CFAP61: variants seen among roughly 807,000 people sequenced by gnomAD.
The protein encoded by CFAP61 is cilia and flagella associated protein 61, also known as cilia- and flagella-associated protein 61.
A neutral mutation model predicts 135.6 loss-of-function variants in CFAP61; 107 were observed. The observed-to-expected ratio is 0.79, with a 90% CI of 0.67 to 0.93. CFAP61 has a LOEUF of 0.93. Among genes scored for constraint, CFAP61 ranks in the 40% least tolerant of loss-of-function variants. The pLI, the probability that CFAP61 is intolerant of heterozygous loss-of-function variation, is 0.00. For synonymous variants in CFAP61, 575 were observed against 578.5 expected (o/e 0.99, Z 0.09); for missense variants, 1,507 against 1,556.2 (o/e 0.97, Z 0.53).
chr20:20,270,999 C>T (rs2053304341), intron 21 of CFAP61, among the ~76,000 whole-genome samples: 1 of 152,174 alleles, frequency 6.6e-6, no homozygotes, highest in Admixed American at 6.5e-5. Context: ...AATGTGATCG[C>T]TTTATGTGCA....
At chr20:20,125,573 C>CT (rs1486037277) in intron 8 of CFAP61, among the ~76,000 whole-genome samples, 11 of 151,706 alleles carry the variant, frequency 7.3e-5, no homozygotes, top group Non-Finnish European at 1.5e-4. Context: ...CCACTGTGGT[C>CT]TGAGAGGCTG....
chr20:20,265,324 G>C (rs1270193144), intron 21 of CFAP61: 14 of 777,088 alleles, frequency 1.8e-5, no homozygotes, highest in Non-Finnish European at 3.4e-5. Context: ...GTCTTAAGGT[G>C]GAATATTGAT....
At chr20:20,342,379 T>C (rs1373976135) in intron 26 of CFAP61, among the ~76,000 whole-genome samples, 2 of 152,218 alleles carry the variant, frequency 1.3e-5, no homozygotes, top group East Asian at 1.9e-4. Flanking sequence ...TTTCTCAAAA[T>C]ACTACAGAAT....
At chr20:20,282,028 G>C (rs1373378601) in intron 22 of CFAP61, among the ~76,000 whole-genome samples, 1 of 152,002 alleles carries the variant, frequency 6.6e-6, no homozygotes, top group Non-Finnish European at 1.5e-5. Flanking sequence ...ATTTACATTT[G>C]TCAAATTTGT....
intron 8 of CFAP61, among the ~76,000 whole-genome samples, chr20:20,140,464 G>A (rs894696993): frequency 4.7e-5 from 7 of 150,510 alleles, no homozygotes; most frequent in African/African-American, 1.2e-4. Context: ...TTGTCCTTGC[G>A]ATAGTTTACT....
At chr20:20,108,608 T>G (rs2048573159) in intron 8 of CFAP61, among the ~76,000 whole-genome samples, 1 of 152,106 alleles carries the variant, frequency 6.6e-6, no homozygotes, top group South Asian at 2.1e-4. Flanking sequence ...AGGGAGGCAA[T>G]GAACTAAAAT....
At chr20:20,331,746 C>T (rs1219283770) in intron 25 of CFAP61, among the ~76,000 whole-genome samples, 1 of 151,562 alleles carries the variant, frequency 6.6e-6, no homozygotes, top group Non-Finnish European at 1.5e-5. Flanking sequence ...TATATGTGCA[C>T]ATATACACTT....
At chr20:20,153,513 C>T (rs1205062274) in intron 9 of CFAP61, among the ~76,000 whole-genome samples, 1 of 152,042 alleles carries the variant, frequency 6.6e-6, no homozygotes, top group Non-Finnish European at 1.5e-5. Context: ...CAAATAGCCT[C>T]AATTAGAAAT....
intron 2 of CFAP61, among the ~76,000 whole-genome samples, chr20:20,063,995 A>G (rs985424340): frequency 1.3e-5 from 2 of 150,404 alleles, no homozygotes; most frequent in Non-Finnish European, 3.0e-5. Flanking sequence ...TAAATTGTCA[A>G]CTATTGAAAG....
At chr20:20,296,333 T>TTCCTTCCTTCCC (rs1304020638) in intron 24 of CFAP61, among the ~76,000 whole-genome samples, 1 of 105,818 alleles carries the variant, frequency 9.5e-6, no homozygotes, top group African/African-American at 3.8e-5. Context: ...CTTCCCTTCC[T>TTCCTTCCTTCCC]TCCTTCCTTG....
chr20:20,060,491 A>G (rs560393912), intron 2 of CFAP61, among the ~76,000 whole-genome samples: 3 of 152,372 alleles, frequency 2.0e-5, no homozygotes, highest in South Asian at 4.1e-4. Context: ...GGTATAAACC[A>G]TATGTTAAAA....
chr20:20,265,291 G>C, intron 21 of CFAP61: 1 of 737,266 alleles, frequency 1.4e-6, no homozygotes, highest in Non-Finnish European at 2.5e-6. Context: ...CAAGAAAAGA[G>C]CCTTCGAAAG....
intron 6 of CFAP61, among the ~76,000 whole-genome samples, chr20:20,088,745 C>G (rs1367080927): frequency 6.6e-6 from 1 of 152,082 alleles, no homozygotes; most frequent in Non-Finnish European, 1.5e-5. Flanking sequence ...TGTGTTTTTT[C>G]CTCCTTGTAC....
At chr20:20,231,780 G>A (rs1306772358) in intron 18 of CFAP61, among the ~76,000 whole-genome samples, 2 of 152,234 alleles carry the variant, frequency 1.3e-5, no homozygotes, top group Non-Finnish European at 2.9e-5. Flanking sequence ...CATTGAGGAA[G>A]AAAACACCAG....
chr20:20,101,286 A>G (rs2047998879), intron 8 of CFAP61, among the ~76,000 whole-genome samples: 2 of 152,244 alleles, frequency 1.3e-5, no homozygotes, highest in African/African-American at 4.8e-5. Context: ...AAATGAGCAC[A>G]CATCACTGTG....
chr20:20,187,602 C>T (rs961841630), intron 13 of CFAP61, among the ~76,000 whole-genome samples: 3 of 152,158 alleles, frequency 2.0e-5, no homozygotes, highest in Non-Finnish European at 4.4e-5. Context: ...TTCTTTGTAA[C>T]ATAATTTAAA....
intron 20 of CFAP61, among the ~76,000 whole-genome samples, chr20:20,254,734 A>G (rs2051380076): frequency 6.6e-6 from 1 of 152,226 alleles, no homozygotes; most frequent in Non-Finnish European, 1.5e-5. Context: ...ATGAAAACAG[A>G]GCTTAAACCC....
At chr20:20,173,414 C>T (rs536196866) in intron 13 of CFAP61, among the ~76,000 whole-genome samples, 25 of 152,272 alleles carry the variant, frequency 1.6e-4, no homozygotes, top group African/African-American at 4.6e-4. Flanking sequence ...TGAGAGTTCC[C>T]GCTGCTACAC....
chr20:20,347,270 T>G (rs1482864436), intron 26 of CFAP61, among the ~76,000 whole-genome samples: 1 of 152,130 alleles, frequency 6.6e-6, no homozygotes, highest in Non-Finnish European at 1.5e-5. Flanking sequence ...AAGCTATAAG[T>G]GCCTACATAA....
Sources: gnomAD v4.1 joint callset for allele counts (sites outside exome capture counted in the v4.1 genomes callset) on GRCh38, gnomAD v4.1.1 for gene constraint, MANE v1.5 for transcripts, NCBI Gene and HGNC (gene_info 2026-07-23, HGNC 2026-07-21) for gene names.